The following ANAPC10 variants were observed in gnomAD, a reference collection of about 807,000 sequenced individuals.
The protein encoded by ANAPC10 is anaphase-promoting complex subunit 10.
ANAPC10 carries 12 observed loss-of-function variants against 22.0 expected under a neutral mutation model. That is an observed-to-expected ratio of 0.55 (90% CI 0.35 to 0.88). ANAPC10 has a LOEUF of 0.88. Ranked by LOEUF, ANAPC10 falls within the 40% of genes least tolerant of loss-of-function variation. ANAPC10 has a pLI of 0.01. For synonymous variants in ANAPC10, 65 were observed against 69.5 expected (o/e 0.94, Z 0.32); for missense variants, 188 against 220.9 (o/e 0.85, Z 0.94).
chr4:145,070,740 A>G lies in ANAPC10; in HGVS notation c.207-6048T>C, dbSNP rs35169688. 9.2e-5 allele frequency among the ~76,000 whole-genome samples: 14 copies of G among 152,360 alleles called. No homozygotes were observed. The East Asian group carries it at 2.5e-3, about 27-fold the overall frequency. On this transcript the variant is annotated intron_variant, in intron 3 of 4. Transcript: ENST00000507656. ...TTTACAACAGCCGAAAGGTAGAAAC[A>G]ACCCAATGTCCTCTGACGAATGGAT...
intron 2 of ANAPC10, among the ~76,000 whole-genome samples, chr4:145,090,253 TATGTAAA>T (rs1439202042): frequency 1.3e-5 from 2 of 152,200 alleles, no homozygotes; most frequent in African/African-American, 4.8e-5. Flanking sequence ...ATAATGTAAA[TATGTAAA>T]AAGTTGTACA....
intron 3 of ANAPC10, among the ~76,000 whole-genome samples, chr4:145,074,098 G>C (rs896748187): frequency 6.6e-6 from 1 of 151,382 alleles, no homozygotes; most frequent in Non-Finnish European, 1.5e-5. Context: ...CTTCCCAAGA[G>C]AATTAGCCCT....
chr4:145,063,538 C>T (rs1157321329), intron 4 of ANAPC10, among the ~76,000 whole-genome samples: 3 of 152,096 alleles, frequency 2.0e-5, no homozygotes, highest in Non-Finnish European at 4.4e-5. Context: ...CACAAATTAA[C>T]TGGAGGCCTT....
At chr4:145,095,711 T>G (rs1748406897) in intron 2 of ANAPC10, among the ~76,000 whole-genome samples, 1 of 152,196 alleles carries the variant, frequency 6.6e-6, no homozygotes, top group African/African-American at 2.4e-5. Context: ...CACAAAACTT[T>G]TATTACTTTA....
At chr4:145,012,174 G>GTATATA (rs201493778) in intron 4 of ANAPC10, among the ~76,000 whole-genome samples, 92 of 133,458 alleles carry the variant, frequency 6.9e-4, no homozygotes, top group Middle Eastern at 3.8e-3. Flanking sequence ...ATGTGTGTGT[G>GTATATA]TGTATATATA....
chr4:145,083,125 A>G (rs1746323679), intron 2 of ANAPC10, among the ~76,000 whole-genome samples: 1 of 152,168 alleles, frequency 6.6e-6, no homozygotes, highest in Non-Finnish European at 1.5e-5. Context: ...TACCATACGA[A>G]TATTTATTCC....
chr4:145,082,783 G>C (rs1746265618), intron 2 of ANAPC10, among the ~76,000 whole-genome samples: 1 of 152,104 alleles, frequency 6.6e-6, no homozygotes, highest in Admixed American at 6.5e-5. Flanking sequence ...TTTTAGAAAT[G>C]AATCTGATTT....
chr4:145,016,876 T>C (rs1735249319), intron 4 of ANAPC10, among the ~76,000 whole-genome samples: 1 of 152,186 alleles, frequency 6.6e-6, no homozygotes, highest in Non-Finnish European at 1.5e-5. Flanking sequence ...GGGGAAAGGA[T>C]TCCCTATTTA....
chr4:145,095,370 C>T (rs1748349399), intron 2 of ANAPC10, among the ~76,000 whole-genome samples: 1 of 151,826 alleles, frequency 6.6e-6, no homozygotes, highest in Non-Finnish European at 1.5e-5. Flanking sequence ...TAAATCATCA[C>T]TTTGTCCAGC....
intron 2 of ANAPC10, among the ~76,000 whole-genome samples, chr4:145,093,411 A>G (rs1489759349): frequency 6.6e-6 from 1 of 152,154 alleles, no homozygotes; most frequent in Admixed American, 6.5e-5. Context: ...TTATCTCAGT[A>G]TCTACTAATC....
intron 4 of ANAPC10, among the ~76,000 whole-genome samples, chr4:145,016,780 C>G (rs1047396434): frequency 6.6e-6 from 1 of 152,134 alleles, no homozygotes; most frequent in African/African-American, 2.4e-5. Context: ...GATATACAGA[C>G]CAATGCAACA....
At chr4:145,010,884 A>G (rs2126920073) in intron 4 of ANAPC10, among the ~76,000 whole-genome samples, 1 of 152,248 alleles carries the variant, frequency 6.6e-6, no homozygotes, top group East Asian at 1.9e-4. Flanking sequence ...ATATGGGGAA[A>G]AAAAAACAAA....
intron 4 of ANAPC10, among the ~76,000 whole-genome samples, chr4:145,036,398 T>C (rs921699719): frequency 2.6e-5 from 4 of 152,246 alleles, no homozygotes; most frequent in Non-Finnish European, 5.9e-5. Flanking sequence ...TAAATATTTC[T>C]ACAATTTTTT....
intron 4 of ANAPC10, among the ~76,000 whole-genome samples, chr4:145,033,550 A>C (rs1737954995): frequency 6.6e-6 from 1 of 152,228 alleles, no homozygotes; most frequent in African/African-American, 2.4e-5. Flanking sequence ...GTAAGGAAGA[A>C]TATGCATGGA....
At chr4:145,054,622 TGTGTGTGTGTGTGTGTGTGC>T (rs1206584905) in intron 4 of ANAPC10, among the ~76,000 whole-genome samples, 5 of 127,484 alleles carry the variant, frequency 3.9e-5, no homozygotes, top group South Asian at 2.4e-4. Context: ...TGTGTGTGTG[TGTGTGTGTGTGTGTGTGTGC>T]GCGCGCGCGC....
intron 2 of ANAPC10, among the ~76,000 whole-genome samples, chr4:145,093,566 TA>T (rs555328119): frequency 2.5e-4 from 34 of 138,138 alleles, no homozygotes; most frequent in South Asian, 4.5e-4. Flanking sequence ...AGTAAGATGT[TA>T]AAAAAAAAAA....
intron 4 of ANAPC10, among the ~76,000 whole-genome samples, chr4:145,029,280 G>T (rs917020736): frequency 1.3e-5 from 2 of 152,158 alleles, no homozygotes; most frequent in Non-Finnish European, 2.9e-5. Flanking sequence ...GATAAACCCT[G>T]TGCTGCCTGA....
intron 4 of ANAPC10, among the ~76,000 whole-genome samples, chr4:145,044,712 T>C (rs1368926458): frequency 6.6e-6 from 1 of 152,124 alleles, no homozygotes; most frequent in Non-Finnish European, 1.5e-5. Context: ...GTTCATAACC[T>C]ATAACTGAAT....
chr4:145,053,803 G>A (rs1741484527), intron 4 of ANAPC10: 2 of 635,742 alleles, frequency 3.1e-6, no homozygotes, highest in African/African-American at 3.8e-5. Context: ...AAAGGTTCCT[G>A]ACTAGGCTCA....
Sources: gnomAD v4.1 joint callset for allele counts (sites outside exome capture counted in the v4.1 genomes callset) on GRCh38, gnomAD v4.1.1 for gene constraint, MANE v1.5 for transcripts, NCBI Gene and HGNC (gene_info 2026-07-23, HGNC 2026-07-21) for gene names.